Variants in PHIP observed in about 807,000 individuals in gnomAD.
PHIP encodes the protein PH-interacting protein.
Under a neutral mutation model 236.8 loss-of-function variants are expected in PHIP, and 54 were observed. The observed-to-expected ratio is 0.23, with a 90% CI of 0.18 to 0.29. The LOEUF (loss-of-function observed/expected upper bound fraction) is 0.29. Ranked by LOEUF, PHIP falls within the 10% of genes least tolerant of loss-of-function variation. The pLI is 1.00. For synonymous variants in PHIP, 756 were observed against 718.9 expected (o/e 1.05, Z -0.83); for missense variants, 1,370 against 2,190.8 (o/e 0.63, Z 7.48).
rs778829642 is a variant in PHIP at position 79,078,098 on chromosome 6, G to A, written c.-30C>T. 35 of 1,605,018 alleles carry A rather than the reference G, an allele frequency of 2.2e-5. No homozygotes were observed. The highest frequency in any genetic ancestry group is 3.0e-5 in the Non-Finnish European group (35 of 1,177,362). ...ATGGGTCACTTCAGGGCCGCCGACG[G>A]GACACCCCGCCGCCGAGGGGAAGCG... On this transcript the variant is annotated 5_prime_UTR_variant, in exon 1 of 40. Transcript: ENST00000275034.
Position 79,014,971 on chromosome 6 carries a change from T to A in PHIP, c.1524+111A>T, listed in dbSNP as rs537049319. 1.8e-5 allele frequency: 14 copies of A among 777,834 alleles called. No homozygotes were observed. The South Asian group carries it at 2.9e-4, about 16-fold the overall frequency. 48.2% of individuals were successfully genotyped at this position (777,834 alleles called of 1,614,324 possible). Reference sequence around the variant, plus strand: ...ATTCTTTATTGATGGGAATTTAAAGTCAAAATAATGAACCAATTTTTAAAT... The same window carrying A: ...ATTCTTTATTGATGGGAATTTAAAGACAAAATAATGAACCAATTTTTAAAT... On this transcript the variant is annotated intron_variant, in intron 15 of 39. Coordinates refer to ENST00000275034, the MANE Select transcript of PHIP (RefSeq NM_017934.7).
chr6:78,941,345 C>A lies in PHIP; in HGVS notation c.4829-15G>T. The A allele has an allele frequency of 2.5e-6, 4 of 1,590,218 alleles. No individual in the cohort carries two copies. The highest frequency in any genetic ancestry group is 3.4e-6 in the Non-Finnish European group (4 of 1,168,896). ...CTTACAATCTCCTAAAAGGGAACAA[C>A]AGTACACTTAATATATGGAGTTTCT... On this transcript the variant is annotated splice_polypyrimidine_tract_variant and intron_variant, in intron 39 of 39. Coordinates refer to ENST00000275034, the MANE Select transcript of PHIP (RefSeq NM_017934.7).
chr6:79,024,749 G>C (rs914617423), intron 9 of PHIP, among the ~76,000 whole-genome samples: 1 of 152,154 alleles, frequency 6.6e-6, no homozygotes, highest in African/African-American at 2.4e-5. Context: ...AGCTTGCAGT[G>C]AGCTGAGATC....
At chr6:78,997,246 TAA>T (rs1769682017) in intron 19 of PHIP, among the ~76,000 whole-genome samples, 166 bp downstream of exon 19, 1 of 152,142 alleles carries the variant, frequency 6.6e-6, no homozygotes, top group South Asian at 2.1e-4. Flanking sequence ...ATTCTAGAAA[TAA>T]ATATATTTTA....
chr6:78,940,655 T>A lies in PHIP; in HGVS notation c.*38A>T, dbSNP rs781467112. ...GTTCTACTTATTCCTTAACTGTACC[T>A]GCTTTATAGATTTTGAAGTAAAATA... On this transcript the variant is annotated 3_prime_UTR_variant, in exon 40 of 40. Coordinates refer to ENST00000275034, the MANE Select transcript of PHIP (RefSeq NM_017934.7). 3 of 1,381,640 alleles carry A rather than the reference T, an allele frequency of 2.2e-6. No individual in the cohort carries two copies. The highest frequency in any genetic ancestry group is 3.0e-6 in the Non-Finnish European group (3 of 1,010,042). 85.6% of individuals were successfully genotyped at this position (1,381,640 alleles called of 1,614,324 possible). A position where few individuals can be genotyped will look rare whatever the true frequency, so the allele number is the denominator to read the frequency against.
intron 1 of PHIP, 51 bp from the exon 2 acceptor site, chr6:79,077,964 CG>C: frequency 3.3e-6 from 5 of 1,512,452 alleles, no homozygotes; most frequent in Middle Eastern, 2.2e-4. Context: ...GGTCGGGCGG[CG>C]GGGGGCGGGG....
Position 79,015,109 on chromosome 6 carries a change from T to G in PHIP, c.1497A>C (p.Gly499=). The change falls in exon 15 of 40, where the codon GGA becomes GGC. Residue 499 remains glycine (G), a synonymous_variant. Transcript: ENST00000275034. ...GNVIVWDLAR[G]VKIRSYFNMI... ...TATTGAAATAAGATCGTATTTTGACTCCTCTTGCCAGATCCCACACTATCA... is the reference window on the plus strand; with the variant it reads ...TATTGAAATAAGATCGTATTTTGACGCCTCTTGCCAGATCCCACACTATCA... 6.2e-7 allele frequency: 1 copy of G among 1,611,040 alleles called. No homozygotes were observed. The highest frequency in any genetic ancestry group is 8.5e-7 in the Non-Finnish European group (1 of 1,177,690).
At chr6:79,042,007 A>C (rs989469051) in intron 7 of PHIP, among the ~76,000 whole-genome samples, 1 of 152,038 alleles carries the variant, frequency 6.6e-6, no homozygotes, top group African/African-American at 2.4e-5. Flanking sequence ...GCTCTCTTCA[A>C]AGACAGGAAA....
chr6:78,964,681 C>A (rs911945220), intron 29 of PHIP, among the ~76,000 whole-genome samples: 1 of 151,990 alleles, frequency 6.6e-6, no homozygotes, highest in Non-Finnish European at 1.5e-5. Flanking sequence ...TTAGTTGAGA[C>A]GGGGTTTCAC....
chr6:79,063,920 A>C (rs1773502718), intron 4 of PHIP, among the ~76,000 whole-genome samples: 1 of 152,160 alleles, frequency 6.6e-6, no homozygotes. Context: ...TCTGGAAAGA[A>C]CAGTGGAAAC....
At chr6:78,948,885 T>TA (rs1190197833) in intron 35 of PHIP, among the ~76,000 whole-genome samples, 1 of 152,244 alleles carries the variant, frequency 6.6e-6, no homozygotes, top group Non-Finnish European at 1.5e-5. Context: ...TATGATCAAA[T>TA]ACGTCTGACC....
Position 78,955,678 on chromosome 6 carries a change from G to T in PHIP, c.3787C>A (p.Gln1263Lys). Residue 1263 changes from glutamine (Q) to lysine (K), a missense_variant, in exon 33 of 40, where the codon CAG becomes AAG. By Grantham distance (53) the Gln-to-Lys change is moderately conservative. Coordinates refer to ENST00000275034, the MANE Select transcript of PHIP (RefSeq NM_017934.7). ...AGTGGAATTATGTTATAACAAGTCT[G>T]ATCCCTACATAACAAGGAAATGTTA... is the stretch of plus-strand genomic sequence containing the variant. ...TDLLLHFIKDQTCYNIIPLYN... is the reference protein window; with the variant it reads ...TDLLLHFIKDKTCYNIIPLYN... The T allele has an allele frequency of 2.0e-6, 2 of 1,022,032 alleles. No homozygotes were observed. Among genetic ancestry groups the T allele is most frequent in the Non-Finnish European group, 1.5e-6 (1 of 671,208 alleles). 63.3% of individuals were successfully genotyped at this position (1,022,032 alleles called of 1,614,324 possible). A position where few individuals can be genotyped will look rare whatever the true frequency, so the allele number is the denominator to read the frequency against.
At chr6:78,944,620 G>A (rs1773703201) in intron 39 of PHIP, among the ~76,000 whole-genome samples, 1 of 152,170 alleles carries the variant, frequency 6.6e-6, no homozygotes, top group Non-Finnish European at 1.5e-5. Context: ...CTGATTTTAA[G>A]TTTACACGGG....
intron 36 of PHIP, 65 bp downstream of exon 36, chr6:78,947,558 T>C: frequency 1.3e-6 from 1 of 742,670 alleles, no homozygotes; most frequent in Non-Finnish European, 2.2e-6. Flanking sequence ...TAAAGCAACA[T>C]TTAGTCATTT....
chr6:79,078,172 C>G lies in PHIP; in HGVS notation c.-104G>C. 1 of 1,159,718 alleles carries G rather than the reference C, an allele frequency of 8.6e-7. No individual in the cohort carries two copies. Among genetic ancestry groups the G allele is most frequent in the South Asian group, 1.4e-5 (1 of 72,106 alleles). The allele number at this position is 1,159,718 out of a possible 1,614,324, so 71.8% of individuals were successfully genotyped here. On this transcript the variant is annotated 5_prime_UTR_variant, in exon 1 of 40. Transcript: ENST00000275034. ...ATAGCTGTCAGTGTGTGTTCACGAG[C>G]CGAGCTTCGGCTCCACCATTCAAGC... is the stretch of plus-strand genomic sequence containing the variant.
intron 4 of PHIP, among the ~76,000 whole-genome samples, chr6:79,062,179 G>T (rs959769189): frequency 1.2e-4 from 19 of 152,004 alleles, no homozygotes; most frequent in African/African-American, 4.3e-4. Context: ...TCCTTGTTTT[G>T]CAGTCAAAAA....
At position 79,041,724 on chromosome 6, in the gene PHIP, A is replaced by C. The variant is rs137862565; in HGVS notation, c.600+1119T>G. Reference sequence around the variant, plus strand: ...CACTTCAGCAAATATAGAGATGCCTATTTTCCACTCTGAAAATAATACTTG... The same window carrying C: ...CACTTCAGCAAATATAGAGATGCCTCTTTTCCACTCTGAAAATAATACTTG... On this transcript the variant is annotated intron_variant, in intron 7 of 39. Transcript: ENST00000275034. 8.3e-3 allele frequency among the ~76,000 whole-genome samples: 1,268 copies of C among 152,204 alleles called. 55 individuals are homozygous for C. Among genetic ancestry groups the C allele is most frequent in the Admixed American group, 0.07 (1,068 of 15,268 alleles).
At position 78,945,445 on chromosome 6, in the gene PHIP, A is replaced by C; in HGVS notation, c.4683T>G (p.Pro1561=). ...TGCCATGACTAAAACTGGATTGACCAGGACTGGAAAGAGTATTCAAAGCTT... is the reference window on the plus strand; with the variant it reads ...TGCCATGACTAAAACTGGATTGACCCGGACTGGAAAGAGTATTCAAAGCTT... ...HSKALNTLSS[P]GQSSFSHGTR... The change falls in exon 39 of 40, where the codon CCT becomes CCG. Residue 1561 remains proline (P), a synonymous_variant. Transcript: ENST00000275034. 1.9e-6 allele frequency: 3 copies of C among 1,611,316 alleles called. No individual in the cohort carries two copies. The South Asian group carries it at 3.3e-5, about 18-fold the overall frequency.
chr6:79,000,695 G>C (rs1324715414), intron 17 of PHIP, among the ~76,000 whole-genome samples: 1 of 151,944 alleles, frequency 6.6e-6, no homozygotes, highest in Non-Finnish European at 1.5e-5. Context: ...CCTATGACCA[G>C]AACTTCTCTA....
Sources: gnomAD v4.1 joint callset for allele counts (sites outside exome capture counted in the v4.1 genomes callset) on GRCh38, gnomAD v4.1.1 for gene constraint, MANE v1.5 for transcripts, NCBI Gene and HGNC (gene_info 2026-07-23, HGNC 2026-07-21) for gene names.